TSPEAR: variants seen among roughly 807,000 people sequenced by gnomAD.
TSPEAR encodes the protein thrombospondin type laminin G domain and EAR repeats.
Under a neutral mutation model 71.6 loss-of-function variants are expected in TSPEAR, and 69 were observed. That is an observed-to-expected ratio of 0.96 (90% confidence interval 0.79 to 1.18). The LOEUF is 1.18. Ranked by LOEUF, TSPEAR falls within the 50% of genes most tolerant of loss-of-function variation. The pLI, the probability that TSPEAR is intolerant of heterozygous loss-of-function variation, is 0.00. For synonymous variants in TSPEAR, 402 were observed against 387.2 expected (o/e 1.04, Z -0.45); for missense variants, 971 against 894.9 (o/e 1.09, Z -1.09).
chr21:44,587,196 A>G lies in TSPEAR; in HGVS notation c.83-19191T>C, dbSNP rs587706853. Among the ~76,000 whole-genome samples the G allele has an allele frequency of 1.1e-4, 16 of 152,372 alleles. No homozygotes were observed. In the South Asian group the frequency reaches 3.1e-3, roughly 30 times the overall value. On this transcript the variant is annotated intron_variant, in intron 1 of 11. Coordinates refer to ENST00000323084, the MANE Select transcript of TSPEAR (RefSeq NM_144991.3). ...GATAAAAGAATTCAGCAAAGTTTCC[A>G]GATGCAAAATTAATGTACACAAATC... is the stretch of plus-strand genomic sequence containing the variant.
chr21:44,627,063 G>A lies in TSPEAR; in HGVS notation c.83-59058C>T, dbSNP rs112627038. On this transcript the variant is annotated intron_variant, in intron 1 of 11. Coordinates refer to ENST00000323084, the MANE Select transcript of TSPEAR (RefSeq NM_144991.3). ...CCCTGGAACAACAAGGCCAGGAGGG[G>A]TATAAAAGCCTGAGAGCCCCAAGAA... 2.2e-5 allele frequency: 34 copies of A among 1,511,726 alleles called. No individual in the cohort carries two copies. In the African/African-American group the frequency reaches 3.9e-4, roughly 17 times the overall value. 93.6% of individuals were successfully genotyped at this position (1,511,726 alleles called of 1,614,324 possible). A position where few individuals can be genotyped will look rare whatever the true frequency, so the allele number is the denominator to read the frequency against.
chr21:44,678,270 G>A (rs1986419169), intron 1 of TSPEAR, among the ~76,000 whole-genome samples: 1 of 152,018 alleles, frequency 6.6e-6, no homozygotes, highest in Non-Finnish European at 1.5e-5. Context: ...CTGGTAGGAG[G>A]TGATTTGATC....
intron 9 of TSPEAR, chr21:44,515,537 T>C (rs1338771396): frequency 3.3e-5 from 5 of 152,342 alleles, no homozygotes; most frequent in African/African-American, 1.2e-4. Context: ...CATGGGTCGC[T>C]AGCCCAGACC....
intron 2 of TSPEAR, among the ~76,000 whole-genome samples, chr21:44,556,428 C>T (rs1173989442): frequency 1.3e-5 from 2 of 151,868 alleles, no homozygotes; most frequent in African/African-American, 4.8e-5. Context: ...TGCAGTGGCT[C>T]ATGCCTGTAA....
rs146438062 is a variant in TSPEAR at position 44,632,136 on chromosome 21, A to G, written c.83-64131T>C. Reference sequence around the variant, plus strand: ...AATAATGACCAAAAACTTCCCAAATATGATGAAACACATTGAATCTACACA... The same window carrying G: ...AATAATGACCAAAAACTTCCCAAATGTGATGAAACACATTGAATCTACACA... On this transcript the variant is annotated intron_variant, in intron 1 of 11. Transcript: ENST00000323084. 1.7e-4 allele frequency among the ~76,000 whole-genome samples: 26 copies of G among 152,342 alleles called. No homozygotes were observed. In the East Asian group the frequency reaches 2.1e-3, roughly 12 times the overall value.
At chr21:44,649,763 T>C (rs1487365781) in intron 1 of TSPEAR, among the ~76,000 whole-genome samples, 2 of 152,206 alleles carry the variant, frequency 1.3e-5, no homozygotes, top group Non-Finnish European at 2.9e-5. Flanking sequence ...TGCAGTGGGC[T>C]TGGGCTGTGT....
At position 44,527,514 on chromosome 21, in the gene TSPEAR, T is replaced by G; in HGVS notation, c.927A>C (p.Lys309Asn). Residue 309 changes from lysine to asparagine, a missense_variant, in exon 7 of 12, where the codon AAA (lysine) becomes AAC (asparagine). Physicochemically the swap from Lys to Asn is moderately conservative, Grantham distance 94. Transcript: ENST00000323084. ...GCTCCTCCACGTAGTCCAGTCTTTC[T>G]TTGGCTTGTGATAGAAACGTTGTGA... is the stretch of plus-strand genomic sequence containing the variant. ...GNEWVSVLAA[K>N]ERLDYVEEHQ... 2 of 1,614,212 alleles carry G rather than the reference T, an allele frequency of 1.2e-6. No homozygotes were observed. The highest frequency in any genetic ancestry group is 1.7e-6 in the Non-Finnish European group (2 of 1,180,010).
intron 1 of TSPEAR, among the ~76,000 whole-genome samples, chr21:44,589,820 T>C (rs1979637139): frequency 6.6e-6 from 1 of 152,076 alleles, no homozygotes; most frequent in Non-Finnish European, 1.5e-5. Flanking sequence ...TCAGTGGGCA[T>C]AGTGAGGTGG....
At chr21:44,681,898 A>G in intron 1 of TSPEAR, 1 of 1,614,166 alleles carries the variant, frequency 6.2e-7, no homozygotes, top group Non-Finnish European at 8.5e-7. Flanking sequence ...GAAGGCTGGC[A>G]GCACCCAGAG....
At chr21:44,679,631 C>T (rs747434681) in intron 1 of TSPEAR, among the ~76,000 whole-genome samples, 15 of 152,108 alleles carry the variant, frequency 9.9e-5, no homozygotes, top group African/African-American at 3.4e-4. Flanking sequence ...GGTATCACAC[C>T]GCTTGACTTC....
At chr21:44,547,595 T>C (rs2053322057) in intron 2 of TSPEAR, among the ~76,000 whole-genome samples, 1 of 152,242 alleles carries the variant, frequency 6.6e-6, no homozygotes, top group South Asian at 2.1e-4. Context: ...AATAGTTTCT[T>C]CATCATGTGT....
At chr21:44,534,713 T>C (rs1274707460) in intron 2 of TSPEAR, among the ~76,000 whole-genome samples, 3 of 152,154 alleles carry the variant, frequency 2.0e-5, no homozygotes, top group African/African-American at 7.2e-5. Flanking sequence ...GCAGCCACTG[T>C]GGAAAACAGG....
chr21:44,548,294 G>A (rs1601398465), intron 2 of TSPEAR, among the ~76,000 whole-genome samples: 2 of 152,368 alleles, frequency 1.3e-5, no homozygotes, highest in East Asian at 1.9e-4. Flanking sequence ...CAGCTGGGGA[G>A]TGGGGGATGG....
rs371170087 is a variant in TSPEAR, at chr21:44,567,990, T to G, written c.98A>C (p.Asp33Ala). 3.2e-5 allele frequency: 49 copies of G among 1,542,564 alleles called. No homozygotes were observed. The highest frequency in any genetic ancestry group is 4.1e-5 in the Non-Finnish European group (47 of 1,139,710). Residue 33 changes from aspartate (D) to alanine (A), a missense_variant, in exon 2 of 12, where the codon GAC (aspartate) becomes GCC (alanine). Physicochemically the swap from Asp to Ala is moderately radical, Grantham distance 126. Transcript: ENST00000323084. ...AGAAGGGACCACTTCCGCCAGGATG[T>G]CCAGGGGGCGCAGGTCTGTGGCAAA... The part of the protein sequence containing the change: ...WEPCTDLRPL[D>A]ILAEVVPSDG...
At chr21:44,552,364 C>A (rs2040306728) in intron 2 of TSPEAR, among the ~76,000 whole-genome samples, 1 of 152,200 alleles carries the variant, frequency 6.6e-6, no homozygotes, top group South Asian at 2.1e-4. Context: ...GGCCTGAGCC[C>A]AGCATGGCCT....
Position 44,568,016 on chromosome 21 carries a change from G to C in TSPEAR, c.83-11C>G, listed in dbSNP as rs2053725692. 6.6e-7 allele frequency: 1 copy of C among 1,503,932 alleles called. No homozygotes were observed. The highest frequency in any genetic ancestry group is 8.9e-7 in the Non-Finnish European group (1 of 1,121,458). 93.2% of individuals were successfully genotyped at this position (1,503,932 alleles called of 1,614,324 possible). A position where few individuals can be genotyped will look rare whatever the true frequency, so the allele number is the denominator to read the frequency against. On this transcript the variant is annotated splice_polypyrimidine_tract_variant and intron_variant, in intron 1 of 11. Transcript: ENST00000323084. ...CCAGGGGGCGCAGGTCTGTGGCAAA[G>C]AAATCACAGGTGGGTTAGGCCAGGA...
At chr21:44,545,448 G>A (rs2053289299) in intron 2 of TSPEAR, among the ~76,000 whole-genome samples, 1 of 152,044 alleles carries the variant, frequency 6.6e-6, no homozygotes, top group Admixed American at 6.5e-5. Context: ...CCCAACAAGA[G>A]TAGACAACAA....
intron 8 of TSPEAR, among the ~76,000 whole-genome samples, chr21:44,522,962 AGTCAGTCAGTCAGTT>A (rs1569162592): frequency 6.6e-6 from 1 of 152,048 alleles, no homozygotes; most frequent in South Asian, 2.1e-4. Context: ...TCATTGAGGT[AGTCAGTCAGTCAGTT>A]GTCAGTCAGT....
intron 1 of TSPEAR, among the ~76,000 whole-genome samples, chr21:44,644,645 T>A (rs1004394366): frequency 5.9e-5 from 9 of 152,074 alleles, no homozygotes; most frequent in Non-Finnish European, 1.3e-4. Context: ...GAGCAGACTA[T>A]CTGATGTCCA....
Sources: gnomAD v4.1 joint callset for allele counts (sites outside exome capture counted in the v4.1 genomes callset) on GRCh38, gnomAD v4.1.1 for gene constraint, MANE v1.5 for transcripts, NCBI Gene and HGNC (gene_info 2026-07-23, HGNC 2026-07-21) for gene names.